DLGAP2: variants seen among roughly 807,000 people sequenced by gnomAD.
The protein encoded by DLGAP2 is DLG associated protein 2.
In DLGAP2, 26 loss-of-function variants were observed where a neutral mutation model predicts 100.3. That is an observed-to-expected ratio of 0.26 (90% confidence interval 0.19 to 0.36). The LOEUF is 0.36. Ranked by LOEUF, DLGAP2 falls within the 10% of genes least tolerant of loss-of-function variation. DLGAP2 has a pLI of 1.00. For synonymous variants in DLGAP2, 886 were observed against 630.1 expected (o/e 1.41, Z -6.08); for missense variants, 1,858 against 1,453.2 (o/e 1.28, Z -4.53).
intron 12 of DLGAP2, among the ~76,000 whole-genome samples, chr8:1,688,593 G>A (rs1285133646): frequency 6.6e-6 from 1 of 152,142 alleles, no homozygotes; most frequent in Admixed American, 6.5e-5. Flanking sequence ...CCACGGAATG[G>A]GGAGGGAGCT....
intron 2 of DLGAP2, chr8:1,019,610 G>C (rs761949184): frequency 2.5e-4 from 37 of 148,046 alleles, no homozygotes; most frequent in African/African-American, 8.6e-4. Context: ...CTGGAATTTC[G>C]TGATCTCTGT....
chr8:1,438,260 G>T (rs77366144), intron 3 of DLGAP2, among the ~76,000 whole-genome samples: 1 of 152,080 alleles, frequency 6.6e-6, no homozygotes. Flanking sequence ...CCCCATCCCA[G>T]TTTCCTCCCC....
rs546837656 is a variant in DLGAP2 at position 1,705,269 on chromosome 8, G to A, written c.*3863G>A. 6.6e-6 allele frequency: 1 copy of A among 152,276 alleles called. No homozygotes were observed. The highest frequency in any genetic ancestry group is 6.5e-5 in the Admixed American group (1 of 15,280). 9.4% of individuals were successfully genotyped at this position (152,276 alleles called of 1,614,324 possible). ...GCAATTCCATCAAGCCAAGCCTCCT[G>A]TGGTCCTGAGCATGAAGGGGCCAGG... On this transcript the variant is annotated 3_prime_UTR_variant, in exon 15 of 15. Transcript: ENST00000637795.
At chr8:1,617,765 A>G (rs56084314) in intron 6 of DLGAP2, among the ~76,000 whole-genome samples, 2,265 of 152,304 alleles carry the variant, frequency 0.015, 33 homozygotes, top group Non-Finnish European at 0.022. Context: ...TAGAGCAACC[A>G]CTCAAATATT....
At chr8:1,489,628 C>A (rs199716773) in intron 3 of DLGAP2, among the ~76,000 whole-genome samples, 1 of 152,050 alleles carries the variant, frequency 6.6e-6, no homozygotes, top group Non-Finnish European at 1.5e-5. Flanking sequence ...TTGGAAAGCA[C>A]AAAAAATTTA....
chr8:1,161,641 G>A (rs373159532), intron 2 of DLGAP2, among the ~76,000 whole-genome samples: 40 of 152,324 alleles, frequency 2.6e-4, no homozygotes, highest in African/African-American at 9.4e-4. Flanking sequence ...ATGGTGGTGG[G>A]GTTTGAACGC....
chr8:1,696,118 T>A (rs1211007132), intron 13 of DLGAP2, among the ~76,000 whole-genome samples: 1 of 152,188 alleles, frequency 6.6e-6, no homozygotes, highest in Non-Finnish European at 1.5e-5. Context: ...GCAAATCCAG[T>A]TGAATGTTGA....
intron 1 of DLGAP2, among the ~76,000 whole-genome samples, chr8:802,056 A>C (rs72507622): frequency 2.4e-5 from 1 of 41,898 alleles, no homozygotes; most frequent in Non-Finnish European, 5.0e-5. Context: ...CCTGGGGAAC[A>C]GTCTGCACCC....
At chr8:1,701,053 G>A in intron 14 of DLGAP2, 135 bp from the exon 15 acceptor site, 1 of 765,556 alleles carries the variant, frequency 1.3e-6, no homozygotes, top group Non-Finnish European at 2.1e-6. Flanking sequence ...GGGCAGACGG[G>A]GGACGGGAGT....
chr8:786,999 C>G (rs908619528), intron 1 of DLGAP2, among the ~76,000 whole-genome samples: 2 of 152,182 alleles, frequency 1.3e-5, no homozygotes, highest in African/African-American at 4.8e-5. Context: ...TAACCAGGAA[C>G]AAGACCTTTC....
intron 3 of DLGAP2, among the ~76,000 whole-genome samples, chr8:1,370,352 T>G (rs1802208075): frequency 1.3e-5 from 2 of 152,128 alleles, no homozygotes; most frequent in Non-Finnish European, 2.9e-5. Context: ...CCTGGGCAGG[T>G]GGGGTTGCAC....
chr8:1,649,356 C>T (rs367752622), intron 8 of DLGAP2, among the ~76,000 whole-genome samples: 14 of 151,830 alleles, frequency 9.2e-5, no homozygotes, highest in East Asian at 5.8e-4. Context: ...TACCAGAACA[C>T]TCAACACCCA....
intron 1 of DLGAP2, among the ~76,000 whole-genome samples, chr8:783,175 G>A (rs1044893006): frequency 1.3e-5 from 2 of 152,188 alleles, no homozygotes; most frequent in Admixed American, 6.5e-5. Context: ...AAGTATCCCA[G>A]ATATTAATAC....
At chr8:1,336,509 C>T (rs371008379) in intron 3 of DLGAP2, among the ~76,000 whole-genome samples, 3 of 152,202 alleles carry the variant, frequency 2.0e-5, no homozygotes, top group Non-Finnish European at 4.4e-5. Context: ...CTGAAACACA[C>T]GCAACTCTGT....
At chr8:1,602,342 T>G in intron 6 of DLGAP2, among the ~76,000 whole-genome samples, 1 of 152,232 alleles carries the variant, frequency 6.6e-6, no homozygotes. Flanking sequence ...TCGATGTCAC[T>G]GAAATGGGGT....
At chr8:957,533 C>G (rs1325769638) in intron 2 of DLGAP2, among the ~76,000 whole-genome samples, 5 of 152,182 alleles carry the variant, frequency 3.3e-5, no homozygotes, top group Non-Finnish European at 7.3e-5. Context: ...TGGATTGTGT[C>G]CATGTTCTAC....
intron 3 of DLGAP2, among the ~76,000 whole-genome samples, chr8:1,265,677 A>T (rs1170412294): frequency 1.3e-5 from 2 of 152,316 alleles, no homozygotes; most frequent in Admixed American, 6.5e-5. Flanking sequence ...GGAATAGGAG[A>T]CAAAGAATCA....
At position 1,580,376 on chromosome 8, in the gene DLGAP2, C is replaced by T. The variant is rs148768159; in HGVS notation, c.1442+14482C>T. Among the ~76,000 whole-genome samples the T allele has an allele frequency of 3.5e-4, 54 of 152,148 alleles. 1 individual carries two copies. The highest frequency in any genetic ancestry group is 9.4e-4 in the African/African-American group (39 of 41,494). ...TGAGTCATCAGCAGGCTCGACATAACGAAGAAATCAGTGACCTTGAAGATA... is the reference window on the plus strand; with the variant it reads ...TGAGTCATCAGCAGGCTCGACATAATGAAGAAATCAGTGACCTTGAAGATA... On this transcript the variant is annotated intron_variant, in intron 6 of 14. Coordinates refer to ENST00000637795, the MANE Select transcript of DLGAP2 (RefSeq NM_001346810.2).
chr8:1,063,480 G>C (rs1289634106), intron 2 of DLGAP2, among the ~76,000 whole-genome samples: 1 of 151,718 alleles, frequency 6.6e-6, no homozygotes, highest in Non-Finnish European at 1.5e-5. Context: ...GTGTGTTTTG[G>C]GAGGGTTTTT....
Sources: gnomAD v4.1 joint callset for allele counts (sites outside exome capture counted in the v4.1 genomes callset) on GRCh38, gnomAD v4.1.1 for gene constraint, MANE v1.5 for transcripts, NCBI Gene and HGNC (gene_info 2026-07-23, HGNC 2026-07-21) for gene names.